DMP1: variants seen among roughly 807,000 people sequenced by gnomAD.
DMP1 encodes the protein dentin matrix acidic phosphoprotein 1.
Under a neutral mutation model 14.6 loss-of-function variants are expected in DMP1, and 20 were observed. That is an observed-to-expected ratio of 1.37 (90% CI 0.96 to 1.99). The LOEUF (loss-of-function observed/expected upper bound fraction) is 1.99, where lower values mean the gene tolerates loss of function less well. Among genes scored for constraint, DMP1 ranks in the 30% most tolerant of loss-of-function variants. The pLI is 0.00. For missense variants in DMP1, 567 were observed against 620.5 expected, an observed-to-expected ratio of 0.91 and a Z score of 0.92; for synonymous variants, 197 against 215.3, an observed-to-expected ratio of 0.91 and a Z score of 0.75.
Position 87,655,870 on chromosome 4 carries a change from A to G in DMP1, c.-21-602A>G, listed in dbSNP as rs201402617. Among the ~76,000 whole-genome samples the G allele has an allele frequency of 9.2e-5, 14 of 152,254 alleles. No individual in the cohort carries two copies. In the East Asian group the frequency reaches 2.7e-3, roughly 29 times the overall value. The stretch of plus-strand genomic sequence containing the variant: ...TTCCTCTTTCTTTACTTTTTCGTCA[A>G]TTTATCATACTTTATGTGTTAGCGT... On this transcript the variant is annotated intron_variant, in intron 1 of 5. Transcript: ENST00000339673.
chr4:87,655,316 T>G (rs1053974484), intron 1 of DMP1, among the ~76,000 whole-genome samples: 1 of 152,190 alleles, frequency 6.6e-6, no homozygotes, highest in African/African-American at 2.4e-5. Context: ...AGTACTTCTA[T>G]TTTTAAATAC....
In DMP1 at chr4:87,663,244, G is replaced by A. The variant is rs751766468; in HGVS notation, c.1466G>A (p.Arg489Gln). 4.8e-5 allele frequency: 77 copies of A among 1,614,170 alleles called. No individual in the cohort carries two copies. The highest frequency in any genetic ancestry group is 1.4e-4 in the South Asian group (13 of 91,082). ...GQLKNIEIES[R>Q]KLTVDAYHNK... is the part of the protein sequence containing the mutation. ...TTGAAAAACATTGAGATAGAGAGCC[G>A]GAAATTAACAGTTGATGCCTATCAC... Residue 489 changes from arginine to glutamine, a missense_variant, in exon 6 of 6, where the codon CGG becomes CAG. Physicochemically the swap from Arg to Gln is conservative, Grantham distance 43 (BLOSUM62 1). Coordinates refer to ENST00000339673, the MANE Select transcript of DMP1 (RefSeq NM_004407.4).
At chr4:87,659,548 T>A in intron 5 of DMP1, 70 bp downstream of exon 5, 9 of 1,390,370 alleles carry the variant, frequency 6.5e-6, no homozygotes, top group Non-Finnish European at 9.2e-6. Flanking sequence ...TAGATTAAAT[T>A]ACCTGGCGAC....
chr4:87,650,594 G>A (rs1463273422), intron 1 of DMP1, among the ~76,000 whole-genome samples: 1 of 152,098 alleles, frequency 6.6e-6, no homozygotes, highest in Non-Finnish European at 1.5e-5. Flanking sequence ...AATACAGCCA[G>A]GTGTTTTTCT....
At chr4:87,653,390 T>G (rs1369387794) in intron 1 of DMP1, among the ~76,000 whole-genome samples, 1 of 26,724 alleles carries the variant, frequency 3.7e-5, no homozygotes, top group Non-Finnish European at 7.5e-5. Flanking sequence ...TCGAGTGATA[T>G]ATATATATAT....
chr4:87,659,238 C>T lies in DMP1; in HGVS notation c.121C>T (p.Pro41Ser). The T allele has an allele frequency of 4.3e-6, 7 of 1,614,072 alleles. No homozygotes were observed. Among genetic ancestry groups the T allele is most frequent in the Non-Finnish European group, 5.9e-6 (7 of 1,179,978 alleles). Residue 41 changes from proline (P) to serine (S), a missense_variant, in exon 4 of 6, where the codon CCA (proline) becomes TCA (serine). By Grantham distance (74) the Pro-to-Ser change is moderately conservative (BLOSUM62 -1). Transcript: ENST00000339673. ...TTTGCAGGGTCATTTGGCTCAGGCA[C>T]CAACACCACCCTTGGTAACTATCTC... Reference protein sequence around the residue: ...EEWKGHLAQAPTPPLESSESS... With the variant: ...EEWKGHLAQASTPPLESSESS...
intron 2 of DMP1, 146 bp from the exon 3 acceptor site, chr4:87,656,886 A>G: frequency 3.0e-6 from 2 of 665,484 alleles, no homozygotes; most frequent in South Asian, 3.6e-5. Context: ...GGGATAGGAA[A>G]CAGAAATCAG....
intron 5 of DMP1, among the ~76,000 whole-genome samples, chr4:87,661,637 C>T (rs1243189822): frequency 7.8e-6 from 1 of 127,414 alleles, no homozygotes; most frequent in Non-Finnish European, 1.6e-5. Context: ...CCACCTTGCC[C>T]AGCCCAAGAG....
Position 87,663,128 on chromosome 4 carries a change from G to C in DMP1, c.1350G>C (p.Glu450Asp). The change falls in exon 6 of 6, where the codon GAG becomes GAC. Residue 450 changes from glutamate to aspartate, a missense_variant. Coordinates refer to ENST00000339673, the MANE Select transcript of DMP1 (RefSeq NM_004407.4). ...AESQSEESHS[E>D]EDDSDSQDSS... ...GTCAGAGCGAGGAAAGCCATTCTGA[G>C]GAAGACGACAGTGACTCTCAAGACA... 6.2e-7 allele frequency: 1 copy of C among 1,614,132 alleles called. No homozygotes were observed. The highest frequency in any genetic ancestry group is 8.5e-7 in the Non-Finnish European group (1 of 1,180,030).
intron 1 of DMP1, among the ~76,000 whole-genome samples, chr4:87,652,654 G>A (rs1306083465): frequency 6.6e-6 from 1 of 152,156 alleles, no homozygotes; most frequent in Non-Finnish European, 1.5e-5. Flanking sequence ...CTTGGGGCAT[G>A]CACTTCTTTG....
In DMP1 at chr4:87,663,049, A is replaced by G. The variant is rs1216352257; in HGVS notation, c.1271A>G (p.Asp424Gly). 6.2e-7 allele frequency: 1 copy of G among 1,614,206 alleles called. No homozygotes were observed. The highest frequency in any genetic ancestry group is 1.1e-5 in the South Asian group (1 of 91,086). The change falls in exon 6 of 6, where the codon GAT (aspartate) becomes GGT (glycine). Residue 424 changes from aspartate (D) to glycine (G), a missense_variant. Asp to Gly is a moderately conservative substitution (Grantham distance 94). Transcript: ENST00000339673. ...FSEESPESPEDENSSSQEGLQ... is the reference protein window; with the variant it reads ...FSEESPESPEGENSSSQEGLQ... ...GAGGAAAGCCCGGAGTCCCCTGAGG[A>G]TGAGAACAGCTCCAGCCAGGAGGGC...
rs1729001251 is a variant in DMP1, at chr4:87,663,702, T to A, written c.*382T>A. On this transcript the variant is annotated 3_prime_UTR_variant, in exon 6 of 6. Coordinates refer to ENST00000339673, the MANE Select transcript of DMP1 (RefSeq NM_004407.4). The stretch of plus-strand genomic sequence containing the variant: ...ACTTGTTTCTTGCTCCTGAGGAGCG[T>A]ATAGAAGGACCCACAAAGCTACAGA... 3.0e-6 allele frequency: 1 copy of A among 328,778 alleles called. No homozygotes were observed. Among genetic ancestry groups the A allele is most frequent in the Non-Finnish European group, 5.8e-6 (1 of 172,368 alleles). 20.4% of individuals were successfully genotyped at this position (328,778 alleles called of 1,614,324 possible).
At chr4:87,656,737 ATCAT>A (rs1352277229) in intron 2 of DMP1, among the ~76,000 whole-genome samples, 191 bp downstream of exon 2, 1 of 152,190 alleles carries the variant, frequency 6.6e-6, no homozygotes, top group East Asian at 1.9e-4. Flanking sequence ...TCACATAGAT[ATCAT>A]TCATACTTTT....
rs535279544 is a variant in DMP1 at position 87,664,218 on chromosome 4, G to T, written c.*898G>T. The T allele has an allele frequency of 4.6e-5, 7 of 152,656 alleles. No individual in the cohort carries two copies. The East Asian group carries it at 1.3e-3, about 29-fold the overall frequency. The allele number at this position is 152,656 out of a possible 1,614,324, so 9.5% of individuals were successfully genotyped here. On this transcript the variant is annotated 3_prime_UTR_variant, in exon 6 of 6. Transcript: ENST00000339673. Reference sequence around the variant, plus strand: ...TTTCTAAAATCAGTTTGCGTGCAATGCTAGAAAAAAACTGTTCTCTGAGTC... The same window carrying T: ...TTTCTAAAATCAGTTTGCGTGCAATTCTAGAAAAAAACTGTTCTCTGAGTC...
rs1354529482 is a variant in DMP1 at position 87,656,547 on chromosome 4, G to C, written c.54+1G>C. 1.3e-6 allele frequency: 2 copies of C among 1,598,590 alleles called. No homozygotes were observed. The highest frequency in any genetic ancestry group is 1.7e-6 in the Non-Finnish European group (2 of 1,166,036). The stretch of plus-strand genomic sequence containing the variant: ...TTGGGGATTATCCTGTGCTCTCCCA[G>C]TAAGTATTAGGGTAGGGATATATGA... On this transcript the variant is annotated splice_donor_variant, in intron 2 of 5. Transcript: ENST00000339673. LOFTEE classifies it high-confidence loss of function.
chr4:87,656,040 G>A (rs1400736432), intron 1 of DMP1, among the ~76,000 whole-genome samples: 1 of 152,100 alleles, frequency 6.6e-6, no homozygotes, highest in Non-Finnish European at 1.5e-5. Flanking sequence ...TGTTCACAGA[G>A]TTGTGCAACC....
Position 87,663,256 on chromosome 4 carries a change from T to C in DMP1, c.1478T>C (p.Val493Ala). 1 of 1,614,202 alleles carries C rather than the reference T, an allele frequency of 6.2e-7. No homozygotes were observed. The highest frequency in any genetic ancestry group is 8.5e-7 in the Non-Finnish European group (1 of 1,180,036). ...GAGATAGAGAGCCGGAAATTAACAG[T>C]TGATGCCTATCACAACAAACCCATT... ...NIEIESRKLTVDAYHNKPIGD... is the reference protein window; with the variant it reads ...NIEIESRKLTADAYHNKPIGD... Residue 493 changes from valine (V) to alanine (A), a missense_variant, in exon 6 of 6, where the codon GTT (valine) becomes GCT (alanine). Val to Ala is a moderately conservative substitution (Grantham distance 64). Transcript: ENST00000339673.
At position 87,663,873 on chromosome 4, in the gene DMP1, G is replaced by A. The variant is rs796520052; in HGVS notation, c.*553G>A. On this transcript the variant is annotated 3_prime_UTR_variant, in exon 6 of 6. Coordinates refer to ENST00000339673, the MANE Select transcript of DMP1 (RefSeq NM_004407.4). ...TTGGAGAACGAGGGAGGGCTTCATA[G>A]CAGAAGACATTGGAGTTGGAAGGTT... The A allele has an allele frequency of 9.2e-5, 15 of 163,410 alleles. No homozygotes were observed. Among genetic ancestry groups the A allele is most frequent in the African/African-American group, 3.4e-4 (14 of 41,676 alleles). The allele number at this position is 163,410 out of a possible 1,614,324, so 10.1% of individuals were successfully genotyped here.
In DMP1 at chr4:87,659,236, C is replaced by T; in HGVS notation, c.119C>T (p.Ala40Val). The T allele has an allele frequency of 6.2e-7, 1 of 1,614,030 alleles. No individual in the cohort carries two copies. The highest frequency in any genetic ancestry group is 8.5e-7 in the Non-Finnish European group (1 of 1,179,984). ...TTTTTGCAGGGTCATTTGGCTCAGG[C>T]ACCAACACCACCCTTGGTAACTATC... ...SEEWKGHLAQ[A>V]PTPPLESSES... Residue 40 changes from alanine to valine, a missense_variant, in exon 4 of 6, where the codon GCA becomes GTA. Ala to Val is a moderately conservative substitution (Grantham distance 64). Transcript: ENST00000339673.
Sources: gnomAD v4.1 joint callset for allele counts (sites outside exome capture counted in the v4.1 genomes callset) on GRCh38, gnomAD v4.1.1 for gene constraint, MANE v1.5 for transcripts, NCBI Gene and HGNC (gene_info 2026-07-23, HGNC 2026-07-21) for gene names.